The following ATRNL1 variants were observed in gnomAD, a reference collection of about 807,000 sequenced individuals.
ATRNL1 encodes attractin-like protein 1.
A neutral mutation model predicts 182.7 loss-of-function variants in ATRNL1; 95 were observed. The ratio of observed to expected loss-of-function variants is 0.52; its 90% CI spans 0.44 to 0.62. ATRNL1 has a LOEUF of 0.62. Among genes scored for constraint, ATRNL1 ranks in the 20% least tolerant of loss-of-function variants. The pLI is 0.00. For synonymous variants in ATRNL1, 576 were observed against 568.3 expected, an observed-to-expected ratio of 1.01 and a Z score of -0.19; for missense variants, 1,471 against 1,679.5, an observed-to-expected ratio of 0.88 and a Z score of 2.17.
At chr10:115,796,179 C>T (rs782538009) in intron 27 of ATRNL1, among the ~76,000 whole-genome samples, 10 of 151,814 alleles carry the variant, frequency 6.6e-5, no homozygotes, top group East Asian at 2.0e-4. Flanking sequence ...GTGGAGATGC[C>T]GTCATCACCC....
chr10:115,150,775 C>G (rs1230306207), intron 5 of ATRNL1, among the ~76,000 whole-genome samples: 2 of 151,912 alleles, frequency 1.3e-5, no homozygotes, highest in Non-Finnish European at 1.5e-5. Context: ...GTACAACTTG[C>G]AGGTTTGTTA....
Position 115,317,687 on chromosome 10 carries a change from C to T in ATRNL1, c.3037+1951C>T, listed in dbSNP as rs571838580. Among the ~76,000 whole-genome samples, 6 of 152,202 alleles carry T rather than the reference C, an allele frequency of 3.9e-5. No individual in the cohort carries two copies. In the East Asian group the frequency reaches 9.7e-4, roughly 25 times the overall value. On this transcript the variant is annotated intron_variant, in intron 18 of 28. Coordinates refer to ENST00000355044, the MANE Select transcript of ATRNL1 (RefSeq NM_207303.4). Reference sequence around the variant, plus strand: ...GAATGGGAGTTCATTAATGATTTGGCTCTCTCCTTGTGTATTGTTGGTGTA... The same window carrying T: ...GAATGGGAGTTCATTAATGATTTGGTTCTCTCCTTGTGTATTGTTGGTGTA...
chr10:115,866,368 A>C (rs1294159300), intron 28 of ATRNL1, among the ~76,000 whole-genome samples: 7 of 152,272 alleles, frequency 4.6e-5, no homozygotes, highest in African/African-American at 1.7e-4. Context: ...AAAGATACAC[A>C]GAAACCAAAA....
intron 24 of ATRNL1, among the ~76,000 whole-genome samples, chr10:115,509,416 G>A (rs1554982092): frequency 6.6e-6 from 1 of 151,986 alleles, no homozygotes; most frequent in East Asian, 1.9e-4. Flanking sequence ...GGATCATGGG[G>A]ATGGATCCCT....
intron 8 of ATRNL1, among the ~76,000 whole-genome samples, chr10:115,175,041 G>T (rs1847446260): frequency 6.6e-6 from 1 of 151,974 alleles, no homozygotes; most frequent in South Asian, 2.1e-4. Context: ...CATTGAGGAT[G>T]TACACTTTCA....
chr10:115,928,591 A>G (rs1953303854), intron 28 of ATRNL1, among the ~76,000 whole-genome samples: 1 of 152,028 alleles, frequency 6.6e-6, no homozygotes. Context: ...AGAATTGTCT[A>G]TTGATTAGTT....
chr10:115,268,445 GT>G lies in ATRNL1; in HGVS notation c.2100+3del. ...TTCGGCAAATAGTAACTGCAGTATGGTTAGTATTTATGGGTAAATGGTGCTG... is the reference window on the plus strand; with the variant it reads ...TTCGGCAAATAGTAACTGCAGTATGGTAGTATTTATGGGTAAATGGTGCTG... On this transcript the variant is annotated splice_donor_variant, in intron 13 of 28. Coordinates refer to ENST00000355044, the MANE Select transcript of ATRNL1 (RefSeq NM_207303.4). LOFTEE classifies it high-confidence loss of function. The G allele has an allele frequency of 6.3e-7, 1 of 1,585,568 alleles. No homozygotes were observed. Among genetic ancestry groups the G allele is most frequent in the Non-Finnish European group, 8.7e-7 (1 of 1,154,178 alleles).
At chr10:115,548,161 C>T (rs900652201) in intron 25 of ATRNL1, among the ~76,000 whole-genome samples, 2 of 152,176 alleles carry the variant, frequency 1.3e-5, no homozygotes, top group African/African-American at 2.4e-5. Flanking sequence ...CTGGATTCCT[C>T]TTTTCTCAAA....
rs553406115 is a variant in ATRNL1, at chr10:115,521,536, A to G, written c.3716+2212A>G. On this transcript the variant is annotated intron_variant, in intron 25 of 28. Transcript: ENST00000355044. ...AGTGAAAAATTTCACAAAGTTGAAT[A>G]TGTATGTAAATTATTTGAATCTTGA... Among the ~76,000 whole-genome samples, 3 of 152,320 alleles carry G rather than the reference A, an allele frequency of 2.0e-5. No homozygotes were observed. In the South Asian group the frequency reaches 6.2e-4, roughly 32 times the overall value.
intron 28 of ATRNL1, among the ~76,000 whole-genome samples, chr10:115,933,698 G>A (rs192554368): frequency 1.4e-4 from 21 of 152,198 alleles, no homozygotes; most frequent in African/African-American, 4.6e-4. Flanking sequence ...AACTCAGCTG[G>A]CTTACAGTTG....
In ATRNL1 at chr10:115,315,656, T is replaced by G. The variant is rs1564906095; in HGVS notation, c.2957T>G (p.Met986Arg). The G allele has an allele frequency of 6.2e-7, 1 of 1,613,902 alleles. No homozygotes were observed. Among genetic ancestry groups the G allele is most frequent in the Non-Finnish European group, 8.5e-7 (1 of 1,179,944 alleles). Residue 986 changes from methionine (M) to arginine (R), a missense_variant, in exon 18 of 29, where the codon ATG becomes AGG. By Grantham distance (91) the Met-to-Arg change is moderately conservative (BLOSUM62 -1). Around this residue, in one of 3 missense-constraint regions of ATRNL1, gnomAD observed 437 missense variants for 506.0 expected, o/e 0.86. Coordinates refer to ENST00000355044, the MANE Select transcript of ATRNL1 (RefSeq NM_207303.4). The stretch of plus-strand genomic sequence containing the variant: ...CGGGGACCAATGAAGCTTATTGGAA[T>G]GCACCACAGTGAGATGGTTCTTGAC... ...SSRGPMKLIG[M>R]HHSEMVLDTN...
At chr10:115,758,610 G>A (rs924549807) in intron 27 of ATRNL1, among the ~76,000 whole-genome samples, 3 of 152,194 alleles carry the variant, frequency 2.0e-5, no homozygotes, top group African/African-American at 2.4e-5. Context: ...GGGGTGTCAG[G>A]GACCCACTTG....
intron 10 of ATRNL1, among the ~76,000 whole-genome samples, chr10:115,244,701 A>G (rs1460847729): frequency 6.6e-5 from 10 of 152,186 alleles, no homozygotes; most frequent in Admixed American, 4.6e-4. Context: ...TGTTATTGTT[A>G]GTGCTGTTAT....
chr10:115,494,862 G>T (rs1326606237), intron 24 of ATRNL1, among the ~76,000 whole-genome samples: 1 of 152,214 alleles, frequency 6.6e-6, no homozygotes, highest in African/African-American at 2.4e-5. Context: ...TGTAGAATGA[G>T]TTAGAGAGGA....
chr10:115,269,169 A>T (rs1315898824), intron 13 of ATRNL1, among the ~76,000 whole-genome samples: 1 of 152,182 alleles, frequency 6.6e-6, no homozygotes, highest in Non-Finnish European at 1.5e-5. Context: ...TATATTGCAG[A>T]ATAAAAAAAC....
chr10:115,793,775 A>G (rs1949585349), intron 27 of ATRNL1, among the ~76,000 whole-genome samples: 1 of 152,160 alleles, frequency 6.6e-6, no homozygotes, highest in Non-Finnish European at 1.5e-5. Flanking sequence ...ATAAGGGTGC[A>G]AATGAGGAAT....
chr10:115,884,416 A>C (rs534684867), intron 28 of ATRNL1, among the ~76,000 whole-genome samples: 46 of 152,362 alleles, frequency 3.0e-4, no homozygotes, highest in Non-Finnish European at 5.6e-4. Flanking sequence ...ATAGTGGATC[A>C]TCTGGCTGTC....
At chr10:115,403,565 C>T (rs1554957515) in intron 20 of ATRNL1, among the ~76,000 whole-genome samples, 1 of 147,458 alleles carries the variant, frequency 6.8e-6, no homozygotes, top group African/African-American at 2.6e-5. Context: ...AAGCGATTCT[C>T]ATGCCTCAGC....
chr10:115,571,124 C>T (rs2250359), intron 26 of ATRNL1, among the ~76,000 whole-genome samples: 148,105 of 152,310 alleles, frequency 0.97, 72,171 homozygotes, highest in East Asian at 1. Flanking sequence ...TCCATATAGC[C>T]GCTGGCTTTT....
Sources: gnomAD v4.1 joint callset for allele counts (sites outside exome capture counted in the v4.1 genomes callset) on GRCh38, gnomAD v4.1.1 for gene constraint, gnomAD v4.1.1 regional missense constraint, MANE v1.5 for transcripts, NCBI Gene and HGNC (gene_info 2026-07-23, HGNC 2026-07-21) for gene names.